ENPP2: variants seen among roughly 807,000 people sequenced by gnomAD.
ENPP2 encodes the protein autotaxin.
Under a neutral mutation model 120.2 loss-of-function variants are expected in ENPP2, and 51 were observed. The observed-to-expected ratio is 0.42, with a 90% CI of 0.34 to 0.54. The LOEUF (loss-of-function observed/expected upper bound fraction) is 0.54, where lower values mean the gene tolerates loss of function less well. Among genes scored for constraint, ENPP2 ranks in the 20% least tolerant of loss-of-function variants. ENPP2 has a pLI of 0.04. For synonymous variants in ENPP2, 365 were observed against 366.4 expected (o/e 1.00, Z 0.04); for missense variants, 920 against 1,066.5 (o/e 0.86, Z 1.91).
At chr8:119,669,998 G>T (rs910979228) in intron 1 of ENPP2, among the ~76,000 whole-genome samples, 1 of 152,166 alleles carries the variant, frequency 6.6e-6, no homozygotes, top group Non-Finnish European at 1.5e-5. Context: ...CTGAGGTTCT[G>T]GATGCCTTCT....
At chr8:119,654,542 G>A (rs1229863665) in intron 1 of ENPP2, among the ~76,000 whole-genome samples, 1 of 149,412 alleles carries the variant, frequency 6.7e-6, no homozygotes, top group Non-Finnish European at 1.5e-5. Context: ...AGAGGGTCTT[G>A]CTATGTTGTC....
intron 1 of ENPP2, among the ~76,000 whole-genome samples, chr8:119,644,558 C>G (rs1187845838): frequency 7.8e-6 from 1 of 128,482 alleles, no homozygotes; most frequent in Non-Finnish European, 1.6e-5. Flanking sequence ...AGCTTTAAAC[C>G]ATTTTCTGCT....
At chr8:119,603,476 G>T (rs1297591703) in intron 9 of ENPP2, among the ~76,000 whole-genome samples, 1 of 152,138 alleles carries the variant, frequency 6.6e-6, no homozygotes, top group Non-Finnish European at 1.5e-5. Flanking sequence ...CAGCTATGAG[G>T]CCAGAGTGCT....
intron 3 of ENPP2, among the ~76,000 whole-genome samples, chr8:119,622,657 C>T (rs1160807437): frequency 6.6e-6 from 1 of 152,198 alleles, no homozygotes; most frequent in East Asian, 1.9e-4. Context: ...CTGCGCCTGG[C>T]ACATGCTAGG....
chr8:119,608,854 A>C (rs1814903505), intron 8 of ENPP2, among the ~76,000 whole-genome samples: 1 of 152,254 alleles, frequency 6.6e-6, no homozygotes, highest in Admixed American at 6.5e-5. Context: ...AACACTCGAT[A>C]AATTTACATA....
At chr8:119,617,141 G>A in intron 7 of ENPP2, 23 bp downstream of exon 7, 1 of 1,447,188 alleles carries the variant, frequency 6.9e-7, no homozygotes, top group Non-Finnish European at 9.7e-7. Context: ...CTTTGAATGT[G>A]TATCATTCGA....
intron 8 of ENPP2, among the ~76,000 whole-genome samples, chr8:119,611,493 G>A (rs1438738522): frequency 6.6e-6 from 1 of 152,196 alleles, no homozygotes; most frequent in African/African-American, 2.4e-5. Context: ...AGGTGAGTGA[G>A]GAAGCTGTTG....
intron 1 of ENPP2, among the ~76,000 whole-genome samples, chr8:119,646,194 C>G (rs1457148750): frequency 2.6e-5 from 4 of 152,096 alleles, no homozygotes; most frequent in African/African-American, 9.7e-5. Flanking sequence ...TGGTCTCGAT[C>G]TCCTGACCTC....
chr8:119,619,462 G>C (rs1270267463), intron 4 of ENPP2, among the ~76,000 whole-genome samples, 158 bp from the exon 5 acceptor site: 1 of 151,586 alleles, frequency 6.6e-6, no homozygotes, highest in African/African-American at 2.4e-5. Flanking sequence ...TGTCTGGTTT[G>C]GCTTATAAAG....
chr8:119,664,684 G>A (rs1188408529), intron 1 of ENPP2, among the ~76,000 whole-genome samples: 6 of 152,156 alleles, frequency 3.9e-5, no homozygotes, highest in Non-Finnish European at 5.9e-5. Flanking sequence ...GCTCACACCT[G>A]TTACCCCAGC....
intron 2 of ENPP2, among the ~76,000 whole-genome samples, chr8:119,635,292 A>G (rs762319586): frequency 3.9e-5 from 6 of 152,334 alleles, no homozygotes; most frequent in Non-Finnish European, 7.3e-5. Flanking sequence ...TTTCCTTTCA[A>G]GCCACTAAAA....
intron 24 of ENPP2, 95 bp from the exon 25 acceptor site, chr8:119,557,786 C>G: frequency 2.0e-6 from 2 of 1,013,950 alleles, no homozygotes; most frequent in Non-Finnish European, 2.8e-6. Context: ...GACCTCTGTG[C>G]ACTCTTGCAC....
upstream of ENPP2, among the ~76,000 whole-genome samples, chr8:119,642,853 A>G (rs912944793): frequency 2.0e-5 from 3 of 152,180 alleles, no homozygotes; most frequent in Non-Finnish European, 4.4e-5. Context: ...CCTGATGAAG[A>G]TAAGAAGGCT....
At chr8:119,661,410 C>A (rs116814449) in intron 1 of ENPP2, among the ~76,000 whole-genome samples, 1 of 152,166 alleles carries the variant, frequency 6.6e-6, no homozygotes, top group Non-Finnish European at 1.5e-5. Context: ...TACAGGAAAG[C>A]TGCTCAACAT....
At chr8:119,621,251 A>T in intron 4 of ENPP2, 143 bp downstream of exon 4, 1 of 654,060 alleles carries the variant, frequency 1.5e-6, no homozygotes, top group African/African-American at 1.8e-5. Context: ...ACTAATGAAG[A>T]AGCATGAGAA....
chr8:119,611,464 C>T (rs1815102953), intron 8 of ENPP2, among the ~76,000 whole-genome samples: 3 of 152,056 alleles, frequency 2.0e-5, no homozygotes, highest in Admixed American at 1.3e-4. Flanking sequence ...CTGGTTTCCA[C>T]GTGATTAGGG....
upstream of ENPP2, among the ~76,000 whole-genome samples, chr8:119,640,648 G>A (rs1026103593): frequency 3.9e-5 from 6 of 152,132 alleles, no homozygotes; most frequent in Admixed American, 2.6e-4. Context: ...AGACTAGCTG[G>A]GCAGGGGGAA....
chr8:119,670,875 A>G (rs891122915), intron 1 of ENPP2, among the ~76,000 whole-genome samples: 1 of 152,300 alleles, frequency 6.6e-6, no homozygotes, highest in East Asian at 1.9e-4. Flanking sequence ...AGGAAGGTAA[A>G]AGGCAAGTTG....
At chr8:119,621,109 T>G (rs1815863508) in intron 4 of ENPP2, among the ~76,000 whole-genome samples, 1 of 152,244 alleles carries the variant, frequency 6.6e-6, no homozygotes, top group Non-Finnish European at 1.5e-5. Context: ...TCTCAGGATC[T>G]GCTTCTAGAA....
Sources: allele counts gnomAD v4.1 joint callset (sites outside exome capture counted in the v4.1 genomes callset), GRCh38; gene constraint gnomAD v4.1.1; transcripts MANE v1.5; gene names NCBI Gene and HGNC (gene_info 2026-07-23, HGNC 2026-07-21).